Variants in TMEM131 observed in about 807,000 individuals in gnomAD.
The protein encoded by TMEM131 is transmembrane protein 131.
In TMEM131, 66 loss-of-function variants were observed where a neutral mutation model predicts 211.6. The observed-to-expected ratio is 0.31, with a 90% CI of 0.26 to 0.38. TMEM131 has a LOEUF of 0.38. Among genes scored for constraint, TMEM131 ranks in the 10% least tolerant of loss-of-function variants. The pLI, the probability that TMEM131 is intolerant of heterozygous loss-of-function variation, is 1.00. For missense variants in TMEM131, 2,036 were observed against 2,299.3 expected, an observed-to-expected ratio of 0.89 and a Z score of 2.34; for synonymous variants, 844 against 841.3, an observed-to-expected ratio of 1.00 and a Z score of -0.06.
rs773610584 is a variant in TMEM131, at chr2:97,888,106, C to T, written c.305G>A (p.Arg102Gln). ...SYQQKSISLY[R>Q]GNCRPIRFEP... Reference sequence around the variant, plus strand: ...AAATCGTATGGGCCTGCAATTCCCCCGGTAGAGAGATATACTGTAAATAAA... The same window carrying T: ...AAATCGTATGGGCCTGCAATTCCCCTGGTAGAGAGATATACTGTAAATAAA... Residue 102 changes from arginine to glutamine, a missense_variant, in exon 4 of 41, where the codon CGG becomes CAG. Around this residue, in one of 3 missense-constraint regions of TMEM131, gnomAD observed 277 missense variants for 378.0 expected, o/e 0.73. Transcript: ENST00000186436. The T allele has an allele frequency of 1.6e-5, 26 of 1,612,952 alleles. No homozygotes were observed. The highest frequency in any genetic ancestry group is 1.6e-4 in the East Asian group (7 of 44,862).
Position 97,859,264 on chromosome 2 carries a change from T to C in TMEM131, c.483+40A>G, listed in dbSNP as rs374648917. Reference sequence around the variant, plus strand: ...TCAATAAAAATCTAGACATTTCAACTTCAAACTCAGGAAAGATCATGTATA... The same window carrying C: ...TCAATAAAAATCTAGACATTTCAACCTCAAACTCAGGAAAGATCATGTATA... On this transcript the variant is annotated intron_variant, in intron 5 of 40. Coordinates refer to ENST00000186436, the MANE Select transcript of TMEM131 (RefSeq NM_015348.2). 4.5e-6 allele frequency: 7 copies of C among 1,547,272 alleles called. No individual in the cohort carries two copies. In the African/African-American group the frequency reaches 8.5e-5, roughly 19 times the overall value.
chr2:97,956,586 C>G (rs562205052), intron 1 of TMEM131, among the ~76,000 whole-genome samples: 52 of 151,844 alleles, frequency 3.4e-4, no homozygotes, highest in African/African-American at 1.2e-3. Flanking sequence ...TTTTCTTGGG[C>G]ATAGTAGTAA....
chr2:97,830,132 T>TAAAAAAAAAAAAA (rs60531384), intron 11 of TMEM131, among the ~76,000 whole-genome samples: 2 of 72,320 alleles, frequency 2.8e-5, no homozygotes, highest in African/African-American at 5.7e-5. Context: ...CATTATCAGT[T>TAAAAAAAAAAAAA]AAAAAAAAAA....
chr2:97,784,261 G>T (rs762719827), intron 31 of TMEM131, among the ~76,000 whole-genome samples: 1 of 152,020 alleles, frequency 6.6e-6, no homozygotes, highest in African/African-American at 2.4e-5. Flanking sequence ...CAAAACAGGA[G>T]AATATACATT....
At chr2:97,936,605 T>C (rs967835857) in intron 1 of TMEM131, among the ~76,000 whole-genome samples, 5 of 152,208 alleles carry the variant, frequency 3.3e-5, no homozygotes, top group African/African-American at 1.2e-4. Flanking sequence ...GAGACTTCAG[T>C]AGCCATGCAC....
At chr2:97,834,963 GT>G in intron 8 of TMEM131, 38 bp from the exon 9 acceptor site, 1 of 1,608,090 alleles carries the variant, frequency 6.2e-7, no homozygotes, top group South Asian at 1.1e-5. Context: ...CACAGCTTTT[GT>G]AATGTAGCAA....
At chr2:97,874,966 AG>A (rs1476654689) in intron 4 of TMEM131, among the ~76,000 whole-genome samples, 25 of 152,364 alleles carry the variant, frequency 1.6e-4, no homozygotes, top group African/African-American at 5.5e-4. Flanking sequence ...TGCTGTACTC[AG>A]GAGACTCATC....
chr2:97,880,162 C>T lies in TMEM131; in HGVS notation c.359+7890G>A, dbSNP rs541334620. ...TAAAAAACTATCTTTAGAGGGGAGA[C>T]TCAAGGTATGAATAACACGCCCAGC... On this transcript the variant is annotated intron_variant, in intron 4 of 40. Transcript: ENST00000186436. 1.8e-3 allele frequency among the ~76,000 whole-genome samples: 268 copies of T among 146,636 alleles called. 1 individual carries two copies. The highest frequency in any genetic ancestry group is 6.6e-3 in the African/African-American group (258 of 39,134).
chr2:97,846,863 T>G (rs1288945583), intron 5 of TMEM131, among the ~76,000 whole-genome samples: 1 of 152,188 alleles, frequency 6.6e-6, no homozygotes, highest in Non-Finnish European at 1.5e-5. Context: ...CCCTCTCTTA[T>G]GACAGCTATC....
intron 3 of TMEM131, among the ~76,000 whole-genome samples, chr2:97,897,059 A>C (rs1413147016): frequency 6.6e-6 from 1 of 152,062 alleles, no homozygotes; most frequent in Non-Finnish European, 1.5e-5. Context: ...TGTTAAATTT[A>C]TCCCAAAGTA....
At chr2:97,772,192 C>T in intron 33 of TMEM131, 105 bp downstream of exon 33, 1 of 1,422,550 alleles carries the variant, frequency 7.0e-7, no homozygotes. Flanking sequence ...TATCAACTCC[C>T]CTAAAAGCCA....
intron 4 of TMEM131, among the ~76,000 whole-genome samples, chr2:97,860,026 G>T (rs1288148537): frequency 6.6e-6 from 1 of 152,140 alleles, no homozygotes; most frequent in Non-Finnish European, 1.5e-5. Context: ...ACACTCAATG[G>T]TCTGAAATCC....
chr2:97,811,320 G>T, intron 17 of TMEM131, 88 bp from the exon 18 acceptor site: 1 of 947,160 alleles, frequency 1.1e-6, no homozygotes, highest in Non-Finnish European at 1.7e-6. Context: ...GCGATAAAAT[G>T]ACTAACAAAT....
chr2:97,779,922 A>C (rs1450169861), intron 31 of TMEM131, among the ~76,000 whole-genome samples: 1 of 152,210 alleles, frequency 6.6e-6, no homozygotes, highest in South Asian at 2.1e-4. Context: ...CAGAAGGCTG[A>C]GGCAGGAGGA....
intron 1 of TMEM131, among the ~76,000 whole-genome samples, chr2:97,928,917 A>C (rs952745238): frequency 6.6e-6 from 1 of 151,882 alleles, no homozygotes. Context: ...ACATTATTAC[A>C]TACATATAAG....
At chr2:97,982,514 G>T (rs1466225354) in intron 1 of TMEM131, among the ~76,000 whole-genome samples, 1 of 151,864 alleles carries the variant, frequency 6.6e-6, no homozygotes, top group Non-Finnish European at 1.5e-5. Flanking sequence ...TTCAAATTTT[G>T]ATGTCTACTT....
chr2:97,766,695 G>A, intron 33 of TMEM131, 93 bp from the exon 34 acceptor site: 1 of 1,482,922 alleles, frequency 6.7e-7, no homozygotes, highest in South Asian at 1.2e-5. Context: ...CAATACAACT[G>A]CATGCAGGAA....
At chr2:97,761,070 C>T (rs1678814720) in intron 36 of TMEM131, 156 bp from the exon 37 acceptor site, 4 of 908,282 alleles carry the variant, frequency 4.4e-6, no homozygotes, top group African/African-American at 3.3e-5. Flanking sequence ...TCTGGGGCCT[C>T]AGACTGCTTA....
chr2:97,860,311 C>T (rs1006848877), intron 4 of TMEM131, among the ~76,000 whole-genome samples: 5 of 152,194 alleles, frequency 3.3e-5, no homozygotes, highest in African/African-American at 1.2e-4. Context: ...AAGTCCCCCA[C>T]GGCTCTGCTA....
Sources: allele counts gnomAD v4.1 joint callset (sites outside exome capture counted in the v4.1 genomes callset), GRCh38; gene constraint gnomAD v4.1.1; regional missense constraint gnomAD v4.1.1; transcripts MANE v1.5; gene names NCBI Gene and HGNC (gene_info 2026-07-23, HGNC 2026-07-21).